The following ZIM2 variants were observed in gnomAD, a reference collection of about 807,000 sequenced individuals.
The protein encoded by ZIM2 is zinc finger imprinted 2.
ZIM2 carries 14 observed loss-of-function variants against 38.6 expected under a neutral mutation model. That is an observed-to-expected ratio of 0.36 (90% CI 0.24 to 0.57). The LOEUF (loss-of-function observed/expected upper bound fraction) is 0.57. Among genes scored for constraint, ZIM2 ranks in the 20% least tolerant of loss-of-function variants. ZIM2 has a pLI of 0.81. For synonymous variants in ZIM2, 247 were observed against 245.8 expected (o/e 1.00, Z -0.04); for missense variants, 680 against 695.1 (o/e 0.98, Z 0.24).
chr19:56,814,093 G>A lies in ZIM2; in HGVS notation c.490+3653C>T. The A allele has an allele frequency of 1.2e-6, 2 of 1,614,060 alleles. No individual in the cohort carries two copies. Among genetic ancestry groups the A allele is most frequent in the Non-Finnish European group, 1.7e-6 (2 of 1,180,020 alleles). ...AATACCTGCACCATCTGGCTCATCA[G>A]CATCCCCATTTGGCTGCTCGGCCTC... On this transcript the variant is annotated intron_variant, in intron 9 of 12. Transcript: ENST00000629319. This position sits in a 1 kb window ranked among gnomAD's most constrained non-coding sequence, Gnocchi z 5.8.
intron 9 of ZIM2, among the ~76,000 whole-genome samples, chr19:56,802,585 T>C (rs1024193084): frequency 6.6e-6 from 1 of 152,206 alleles, no homozygotes; most frequent in African/African-American, 2.4e-5. Context: ...CCTTATACTC[T>C]ATGGTCCACT....
At chr19:56,838,410 A>G (rs1421299247) in intron 1 of ZIM2, among the ~76,000 whole-genome samples, 1 of 152,104 alleles carries the variant, frequency 6.6e-6, no homozygotes, top group African/African-American at 2.4e-5. Flanking sequence ...GGGGCAGTGG[A>G]GGTGAGGGTG....
chr19:56,795,988 A>G (rs1414452091), intron 9 of ZIM2, among the ~76,000 whole-genome samples: 2 of 152,266 alleles, frequency 1.3e-5, no homozygotes, highest in Non-Finnish European at 2.9e-5. Flanking sequence ...AGCGGTAGTC[A>G]GTGAAAACCC....
At chr19:56,823,131 G>C (rs956180320) in intron 5 of ZIM2, among the ~76,000 whole-genome samples, 2 of 152,170 alleles carry the variant, frequency 1.3e-5, no homozygotes, top group African/African-American at 2.4e-5. Context: ...TTCCTAAGGG[G>C]CTGAGTCCAC....
At chr19:56,779,547 A>G (rs1230265663) in intron 11 of ZIM2, 75 bp from the exon 12 acceptor site, 5 of 1,428,926 alleles carry the variant, frequency 3.5e-6, no homozygotes, top group Non-Finnish European at 4.9e-6. Flanking sequence ...CTGGAATAAT[A>G]AGGAAGGAAC....
At chr19:56,798,272 G>A (rs1322618391) in intron 9 of ZIM2, 1 of 152,210 alleles carries the variant, frequency 6.6e-6, no homozygotes, top group East Asian at 1.9e-4. Context: ...TGGTGAGTTC[G>A]TATTGCATCT....
chr19:56,825,538 G>A (rs2060937285), intron 3 of ZIM2, among the ~76,000 whole-genome samples: 1 of 149,980 alleles, frequency 6.7e-6, no homozygotes, highest in African/African-American at 2.4e-5. Context: ...TTTGAGATTG[G>A]ACATAAATGT....
intron 9 of ZIM2, chr19:56,793,352 C>T (rs775646054): frequency 6.6e-6 from 1 of 152,644 alleles, no homozygotes; most frequent in Non-Finnish European, 1.5e-5. Flanking sequence ...ACCCCTGTCA[C>T]ATCCAGCATC....
intron 12 of ZIM2, 107 bp downstream of exon 12, chr19:56,779,270 G>C (rs1167775174): frequency 1.9e-6 from 2 of 1,060,298 alleles, no homozygotes; most frequent in Non-Finnish European, 1.4e-6. Context: ...TGAGGAGAAA[G>C]GGCACCTACC....
intron 2 of ZIM2, among the ~76,000 whole-genome samples, chr19:56,831,933 T>A (rs937751216): frequency 6.6e-6 from 1 of 152,212 alleles, no homozygotes; most frequent in African/African-American, 2.4e-5. Context: ...AAAGCAAAGC[T>A]ATAGATGGAG....
intron 11 of ZIM2, 134 bp from the exon 12 acceptor site, chr19:56,779,606 T>G (rs1156371150): frequency 1.3e-6 from 1 of 794,976 alleles, no homozygotes; most frequent in Non-Finnish European, 2.0e-6. Context: ...TACAGAGATT[T>G]TACCCCCTAA....
chr19:56,824,994 A>G (rs2146377022), intron 3 of ZIM2: 1 of 244,290 alleles, frequency 4.1e-6, no homozygotes, highest in African/African-American at 2.2e-5. Flanking sequence ...AACTTGTCTA[A>G]TGCCCTAGAA....
chr19:56,823,567 G>A, intron 5 of ZIM2, 23 bp downstream of exon 5: 1 of 1,613,306 alleles, frequency 6.2e-7, no homozygotes, highest in Non-Finnish European at 8.5e-7. Flanking sequence ...GCCCATGGGT[G>A]ACCAGTGGGG....
intron 7 of ZIM2, among the ~76,000 whole-genome samples, chr19:56,821,086 G>A (rs527757184): frequency 6.6e-5 from 10 of 152,276 alleles, no homozygotes; most frequent in Admixed American, 5.9e-4. Flanking sequence ...AACATTTAAC[G>A]GTGTGCCTAC....
At chr19:56,822,468 G>A (rs2060590258) in intron 6 of ZIM2, 1 of 369,664 alleles carries the variant, frequency 2.7e-6, no homozygotes, top group Non-Finnish European at 4.8e-6. Flanking sequence ...TTTTTGCAGT[G>A]GCATAGTCTT....
chr19:56,790,541 G>A (rs1323502115), intron 9 of ZIM2, among the ~76,000 whole-genome samples: 1 of 152,090 alleles, frequency 6.6e-6, no homozygotes, highest in Non-Finnish European at 1.5e-5. Context: ...AGCTGTCTTG[G>A]TCATCAGATC....
Position 56,782,093 on chromosome 19 carries a change from A to G in ZIM2, c.599T>C (p.Phe200Ser). The change falls in exon 11 of 13, where the codon TTT becomes TCT. Residue 200 changes from phenylalanine (F) to serine (S), a missense_variant. By Grantham distance (155) the Phe-to-Ser change is radical (BLOSUM62 -2). Coordinates refer to ENST00000629319, the MANE Select transcript of ZIM2 (RefSeq NM_001387356.1). ...GGTCACCAACTCCTCAAACACCAGA[A>G]ATGTTCCTAAGTGTTTGAAGTCCGG... ...QFPDFKHLGT[F>S]LVFEELVTFE... The G allele has an allele frequency of 6.2e-7, 1 of 1,613,910 alleles. No homozygotes were observed.
At chr19:56,831,284 T>G (rs1206066180) in intron 2 of ZIM2, among the ~76,000 whole-genome samples, 1 of 152,138 alleles carries the variant, frequency 6.6e-6, no homozygotes, top group African/African-American at 2.4e-5. Context: ...TATAGACACA[T>G]GGGGACTTAA....
chr19:56,810,114 T>G lies in ZIM2; in HGVS notation c.490+7632A>C, dbSNP rs912235282. On this transcript the variant is annotated intron_variant, in intron 9 of 12. Transcript: ENST00000629319. Reference sequence around the variant, plus strand: ...TTAACTTTATTTTTATTGTTGACACTATTACAGATAGAATGACCACAACCA... The same window carrying G: ...TTAACTTTATTTTTATTGTTGACACGATTACAGATAGAATGACCACAACCA... 5.3e-6 allele frequency: 5 copies of G among 946,910 alleles called. No homozygotes were observed. In the East Asian group the frequency reaches 5.8e-4, roughly 109 times the overall value. 58.7% of individuals were successfully genotyped at this position (946,910 alleles called of 1,614,324 possible). A position where few individuals can be genotyped will look rare whatever the true frequency, so the allele number is the denominator to read the frequency against.
Sources: allele counts gnomAD v4.1 joint callset (sites outside exome capture counted in the v4.1 genomes callset), GRCh38; gene constraint gnomAD v4.1.1; non-coding constraint Gnocchi (gnomAD v3.1); transcripts MANE v1.5; gene names NCBI Gene and HGNC (gene_info 2026-07-23, HGNC 2026-07-21).